FIGN: variants seen among roughly 807,000 people sequenced by gnomAD.
FIGN encodes fidgetin.
Under a neutral mutation model 51.3 loss-of-function variants are expected in FIGN, and 11 were observed. The observed-to-expected ratio is 0.21, with a 90% CI of 0.13 to 0.35. FIGN has a LOEUF of 0.35. Among genes scored for constraint, FIGN ranks in the 10% least tolerant of loss-of-function variants. FIGN has a pLI of 1.00. For missense variants in FIGN, 857 were observed against 943.6 expected (o/e 0.91, Z 1.20); for synonymous variants, 407 against 363.2 (o/e 1.12, Z -1.37).
chr2:163,633,296 T>C (rs923841856), intron 2 of FIGN, among the ~76,000 whole-genome samples: 3 of 152,254 alleles, frequency 2.0e-5, no homozygotes, highest in Non-Finnish European at 4.4e-5. Flanking sequence ...TAACAATAGC[T>C]AACTTTTGTT....
chr2:163,719,203 G>A (rs931978072), intron 2 of FIGN, among the ~76,000 whole-genome samples: 1 of 152,122 alleles, frequency 6.6e-6, no homozygotes, highest in Admixed American at 6.6e-5. Flanking sequence ...TATTCTGTCT[G>A]ACTTTATGGA....
intron 2 of FIGN, among the ~76,000 whole-genome samples, chr2:163,730,916 G>T (rs1273444814): frequency 6.6e-6 from 1 of 152,130 alleles, no homozygotes; most frequent in Non-Finnish European, 1.5e-5. Flanking sequence ...AGAGTAGTAT[G>T]TGAAATCTGC....
intron 2 of FIGN, among the ~76,000 whole-genome samples, chr2:163,618,789 G>C (rs1220904784): frequency 6.6e-6 from 1 of 151,980 alleles, no homozygotes; most frequent in Non-Finnish European, 1.5e-5. Context: ...TATTTTCATG[G>C]TATCTACCAG....
At chr2:163,636,542 C>T (rs1163871490) in intron 2 of FIGN, among the ~76,000 whole-genome samples, 1 of 152,178 alleles carries the variant, frequency 6.6e-6, no homozygotes, top group African/African-American at 2.4e-5. Flanking sequence ...GCCTCAGCCT[C>T]CCAAAGTGCT....
intron 2 of FIGN, among the ~76,000 whole-genome samples, chr2:163,678,642 A>G (rs956672491): frequency 1.3e-5 from 2 of 152,208 alleles, no homozygotes; most frequent in African/African-American, 4.8e-5. Context: ...ACTTGAGGAA[A>G]TAAGAATAAA....
chr2:163,617,140 C>T (rs773665213), intron 2 of FIGN: 30 of 985,194 alleles, frequency 3.0e-5, no homozygotes, highest in Non-Finnish European at 3.6e-5. Flanking sequence ...ATTTCTTCAG[C>T]CCATTCCCCG....
At chr2:163,650,431 T>C (rs10180559) in intron 2 of FIGN, among the ~76,000 whole-genome samples, 9,638 of 152,124 alleles carry the variant, frequency 0.063, 1,019 homozygotes, top group African/African-American at 0.21. Context: ...CTGCGACACA[T>C]GTGCAGAATG....
intron 2 of FIGN, among the ~76,000 whole-genome samples, chr2:163,721,773 C>T (rs1052212318): frequency 4.6e-5 from 7 of 152,064 alleles, no homozygotes; most frequent in African/African-American, 1.4e-4. Flanking sequence ...TGGAAGAAAA[C>T]GAGTGAGCTT....
At chr2:163,634,966 T>A (rs1041306550) in intron 2 of FIGN, among the ~76,000 whole-genome samples, 4 of 152,166 alleles carry the variant, frequency 2.6e-5, no homozygotes, top group African/African-American at 9.7e-5. Flanking sequence ...AAGAAAATAA[T>A]TTAAAAAAAT....
intron 2 of FIGN, among the ~76,000 whole-genome samples, chr2:163,651,782 C>A (rs1025433402): frequency 1.3e-5 from 2 of 152,148 alleles, no homozygotes; most frequent in Admixed American, 1.3e-4. Context: ...GAAAGCAAGT[C>A]ATTACATCGT....
intron 2 of FIGN, among the ~76,000 whole-genome samples, chr2:163,657,207 A>G (rs913770054): frequency 1.3e-5 from 2 of 152,034 alleles, no homozygotes; most frequent in African/African-American, 2.4e-5. Context: ...TATTTCCAAT[A>G]AAGACACTGA....
intron 2 of FIGN, among the ~76,000 whole-genome samples, chr2:163,638,152 G>C (rs1683254156): frequency 6.6e-6 from 1 of 151,998 alleles, no homozygotes. Context: ...TATTGGTTCA[G>C]CTTTGAAACG....
intron 2 of FIGN, among the ~76,000 whole-genome samples, chr2:163,628,096 C>T (rs969169138): frequency 1.4e-4 from 22 of 152,248 alleles, no homozygotes; most frequent in Admixed American, 3.3e-4. Flanking sequence ...ATGGTGATCA[C>T]GCTCTAATAA....
chr2:163,696,677 TG>T (rs1266524690), intron 2 of FIGN, among the ~76,000 whole-genome samples: 2 of 152,086 alleles, frequency 1.3e-5, no homozygotes, highest in African/African-American at 2.4e-5. Context: ...TGTTTTGTTT[TG>T]TTTTTTTAAG....
At chr2:163,617,301 A>G (rs186826194) in intron 2 of FIGN, 3 of 899,084 alleles carry the variant, frequency 3.3e-6, no homozygotes, top group East Asian at 1.2e-4. Context: ...AGCTGAATGT[A>G]ACAGAGGGGC....
intron 2 of FIGN, among the ~76,000 whole-genome samples, chr2:163,639,468 C>G (rs1174547950): frequency 6.6e-6 from 1 of 152,092 alleles, no homozygotes; most frequent in African/African-American, 2.4e-5. Flanking sequence ...TTCATGTTCC[C>G]TCAGATTTTT....
At chr2:163,611,916 A>ACC in intron 2 of FIGN, 110 bp from the exon 3 acceptor site, 1 of 527,688 alleles carries the variant, frequency 1.9e-6, no homozygotes. Flanking sequence ...AATGATATGC[A>ACC]TACTTTAAAA....
intron 2 of FIGN, among the ~76,000 whole-genome samples, chr2:163,627,372 G>T (rs938728560): frequency 6.6e-6 from 1 of 152,134 alleles, no homozygotes; most frequent in East Asian, 1.9e-4. Flanking sequence ...ACAAGCTAGG[G>T]AGGATGGATA....
chr2:163,643,957 A>AAAAAAAAAAAAAC, intron 2 of FIGN, among the ~76,000 whole-genome samples: 1 of 149,192 alleles, frequency 6.7e-6, no homozygotes, highest in African/African-American at 2.5e-5. Flanking sequence ...AAAAAAAAAA[A>AAAAAAAAAAAAAC]AGTCAGAATG....
Sources: allele counts gnomAD v4.1 joint callset (sites outside exome capture counted in the v4.1 genomes callset), GRCh38; gene constraint gnomAD v4.1.1; transcripts MANE v1.5; gene names NCBI Gene and HGNC (gene_info 2026-07-23, HGNC 2026-07-21).